The following TTC7A variants were observed in gnomAD, a reference collection of about 807,000 sequenced individuals.
The protein encoded by TTC7A is tetratricopeptide repeat domain 7A, also known as tetratricopeptide repeat protein 7A.
TTC7A carries 110 observed loss-of-function variants against 103.7 expected under a neutral mutation model. That is an observed-to-expected ratio of 1.06 (90% confidence interval 0.91 to 1.24). TTC7A has a LOEUF of 1.24. Among genes scored for constraint, TTC7A ranks in the 50% most tolerant of loss-of-function variants. TTC7A has a pLI of 0.00. For missense variants in TTC7A, 1,340 were observed against 1,116.3 expected, an observed-to-expected ratio of 1.20 and a Z score of -2.86; for synonymous variants, 521 against 467.9, an observed-to-expected ratio of 1.11 and a Z score of -1.47.
intron 18 of TTC7A, among the ~76,000 whole-genome samples, chr2:47,058,985 T>C (rs1344323553): frequency 1.5e-5 from 2 of 134,912 alleles, no homozygotes; most frequent in African/African-American, 5.6e-5. Context: ...GGGAATGGAG[T>C]GGGGTCCTCA....
At chr2:47,048,468 T>A (rs1227518267) in intron 16 of TTC7A, among the ~76,000 whole-genome samples, 1 of 152,176 alleles carries the variant, frequency 6.6e-6, no homozygotes, top group Non-Finnish European at 1.5e-5. Flanking sequence ...CCACCTTGTG[T>A]GATGGACATT....
chr2:47,021,957 C>G lies in TTC7A; in HGVS notation c.1488C>G (p.Thr496=). 6.2e-7 allele frequency: 1 copy of G among 1,613,406 alleles called. No homozygotes were observed. ...LPKGYLALGL[T]YSLQATDATL... Reference sequence around the variant, plus strand: ...AGGGCTACCTGGCTCTGGGTCTCACCTATAGCCTGCAGGCCACCGACGGTG... The same window carrying G: ...AGGGCTACCTGGCTCTGGGTCTCACGTATAGCCTGCAGGCCACCGACGGTG... The change falls in exon 12 of 20, where the codon ACC becomes ACG. Residue 496 remains threonine (T), a synonymous_variant. Coordinates refer to ENST00000319190, the MANE Select transcript of TTC7A (RefSeq NM_020458.4).
chr2:47,054,334 G>C (rs1683141421), intron 18 of TTC7A: 1 of 221,122 alleles, frequency 4.5e-6, no homozygotes, highest in African/African-American at 2.3e-5. Flanking sequence ...TCGTCCATGT[G>C]GTCCAGGATG....
intron 3 of TTC7A, among the ~76,000 whole-genome samples, chr2:46,968,606 A>G (rs749860455): frequency 6.6e-6 from 1 of 152,208 alleles, no homozygotes; most frequent in Non-Finnish European, 1.5e-5. Flanking sequence ...AGCCACTGCC[A>G]GCTCCAGAAA....
At chr2:46,983,590 TAA>T (rs1263328738) in intron 5 of TTC7A, among the ~76,000 whole-genome samples, 1 of 152,234 alleles carries the variant, frequency 6.6e-6, no homozygotes, top group Non-Finnish European at 1.5e-5. Context: ...GTCACCACTT[TAA>T]CTCCTCAGTG....
Position 47,007,700 on chromosome 2 carries a change from G to A in TTC7A, c.1287+976G>A, listed in dbSNP as rs1677569539. Among the ~76,000 whole-genome samples, 1 of 152,206 alleles carries A rather than the reference G, an allele frequency of 6.6e-6. No homozygotes were observed. Among genetic ancestry groups the A allele is most frequent in the Non-Finnish European group, 1.5e-5 (1 of 68,028 alleles). On this transcript the variant is annotated intron_variant, in intron 10 of 19. Coordinates refer to ENST00000319190, the MANE Select transcript of TTC7A (RefSeq NM_020458.4). This position sits in a 1 kb window ranked among gnomAD's most constrained non-coding sequence, Gnocchi z 4.9. ...AGGCCCTGGCAGGGAGGGGGAAGAG[G>A]AGCAGGTGCTGCAGCCTGAGTGCGG...
intron 3 of TTC7A, among the ~76,000 whole-genome samples, chr2:46,957,774 G>T (rs1197008435): frequency 1.3e-5 from 2 of 152,196 alleles, no homozygotes; most frequent in Admixed American, 1.3e-4. Flanking sequence ...CTGGCTGCGG[G>T]AGCCCCTCTG....
At chr2:47,063,782 C>T (rs1000204763) in intron 19 of TTC7A, among the ~76,000 whole-genome samples, 2 of 152,222 alleles carry the variant, frequency 1.3e-5, no homozygotes, top group Non-Finnish European at 2.9e-5. Context: ...TGGGCTGGAG[C>T]GAGCCCTCTG....
At chr2:47,056,066 CCT>C (rs1453080154) in intron 18 of TTC7A, among the ~76,000 whole-genome samples, 3 of 152,098 alleles carry the variant, frequency 2.0e-5, no homozygotes, top group African/African-American at 7.2e-5. Flanking sequence ...CCATGCAGCC[CCT>C]GACTGCCTTG....
intron 18 of TTC7A, among the ~76,000 whole-genome samples, chr2:47,059,813 C>T (rs748512337): frequency 2.6e-5 from 4 of 152,296 alleles, no homozygotes; most frequent in Non-Finnish European, 5.9e-5. Flanking sequence ...GCCTTAGTCC[C>T]ATGCCTTGAC....
At chr2:47,011,731 T>G (rs1039689970) in intron 11 of TTC7A, among the ~76,000 whole-genome samples, 2 of 152,220 alleles carry the variant, frequency 1.3e-5, no homozygotes, top group African/African-American at 4.8e-5. Flanking sequence ...AGCAGAGTAG[T>G]AGGTAAGACC....
chr2:47,027,576 AG>A (rs1680048796), intron 14 of TTC7A, among the ~76,000 whole-genome samples: 1 of 152,270 alleles, frequency 6.6e-6, no homozygotes, highest in African/African-American at 2.4e-5. Context: ...AGAGAGAATG[AG>A]GGACAAAGGT....
At position 47,074,752 on chromosome 2, in the gene TTC7A, T is replaced by G. The variant is rs1330513239; in HGVS notation, c.*829T>G. 1.3e-5 allele frequency: 2 copies of G among 152,446 alleles called. No homozygotes were observed. Among genetic ancestry groups the G allele is most frequent in the Non-Finnish European group, 2.9e-5 (2 of 68,272 alleles). 9.4% of individuals were successfully genotyped at this position (152,446 alleles called of 1,614,324 possible). Reference sequence around the variant, plus strand: ...CATCTCACCACCCACAGCCCTTTTTTTGCCTTGATTCGAGCCTCACCCTGG... The same window carrying G: ...CATCTCACCACCCACAGCCCTTTTTGTGCCTTGATTCGAGCCTCACCCTGG... On this transcript the variant is annotated 3_prime_UTR_variant, in exon 20 of 20. Transcript: ENST00000319190.
chr2:47,041,941 A>G (rs1159245822), intron 15 of TTC7A, among the ~76,000 whole-genome samples: 1 of 152,154 alleles, frequency 6.6e-6, no homozygotes, highest in African/African-American at 2.4e-5. Context: ...GTATTTAATT[A>G]TATACGTATG....
At chr2:46,981,052 T>C (rs1674402414) in intron 5 of TTC7A, among the ~76,000 whole-genome samples, 1 of 152,208 alleles carries the variant, frequency 6.6e-6, no homozygotes, top group Admixed American at 6.5e-5. Context: ...TTTTTATGGC[T>C]GCTCCATTAC....
intron 3 of TTC7A, among the ~76,000 whole-genome samples, chr2:46,969,404 G>T (rs1673154308): frequency 6.6e-6 from 1 of 151,996 alleles, no homozygotes; most frequent in Non-Finnish European, 1.5e-5. Flanking sequence ...CTACTCGGGA[G>T]GCTGAGGCAG....
chr2:46,957,372 A>C (rs1342323426), intron 3 of TTC7A, among the ~76,000 whole-genome samples: 2 of 152,232 alleles, frequency 1.3e-5, no homozygotes, highest in Non-Finnish European at 2.9e-5. Context: ...TTGTGTAGCA[A>C]GGTTGAGAAA....
At chr2:46,993,550 G>C (rs778460033) in intron 6 of TTC7A, 22 bp downstream of exon 6, 2 of 1,612,366 alleles carry the variant, frequency 1.2e-6, no homozygotes, top group Admixed American at 3.3e-5. Context: ...TGCTGGCAGT[G>C]CTGGCTTATT....
chr2:47,072,383 G>A lies in TTC7A; in HGVS notation c.2356-1319G>A, dbSNP rs746719790. ...CCTGGCCGCAAGATCTCCAGCCAGC[G>A]CCTCTGGAGAGGGAGAGGCCTTTCC... On this transcript the variant is annotated intron_variant, in intron 19 of 19. Coordinates refer to ENST00000319190, the MANE Select transcript of TTC7A (RefSeq NM_020458.4). Among the ~76,000 whole-genome samples the A allele has an allele frequency of 5.9e-5, 9 of 152,322 alleles. No homozygotes were observed. In the South Asian group the frequency reaches 1.7e-3, roughly 28 times the overall value.
Sources: gnomAD v4.1 joint callset for allele counts (sites outside exome capture counted in the v4.1 genomes callset) on GRCh38, gnomAD v4.1.1 for gene constraint, Gnocchi (gnomAD v3.1) non-coding constraint, MANE v1.5 for transcripts, NCBI Gene and HGNC (gene_info 2026-07-23, HGNC 2026-07-21) for gene names.